PRELID2: variants seen among roughly 807,000 people sequenced by gnomAD.
PRELID2 encodes PRELI domain-containing protein 2.
Under a neutral mutation model 28.4 loss-of-function variants are expected in PRELID2, and 25 were observed. The observed-to-expected ratio is 0.88, with a 90% CI of 0.64 to 1.23. PRELID2 has a LOEUF of 1.23. PRELID2 is among the 50% of genes most tolerant of loss of function. The pLI is 0.00. For missense variants in PRELID2, 201 were observed against 214.4 expected, an observed-to-expected ratio of 0.94 and a Z score of 0.39; for synonymous variants, 76 against 71.6, an observed-to-expected ratio of 1.06 and a Z score of -0.31.
chr5:145,394,147 C>T, the PRELID2 span, among the ~76,000 whole-genome samples: 1 of 152,094 alleles, frequency 6.6e-6, no homozygotes, highest in African/African-American at 2.4e-5. Flanking sequence ...TTTATAGCGG[C>T]ACTATTCACA....
At chr5:145,283,308 C>T in the PRELID2 span, among the ~76,000 whole-genome samples, 4 of 152,134 alleles carry the variant, frequency 2.6e-5, no homozygotes, top group Non-Finnish European at 5.9e-5. Flanking sequence ...TGTAAAATTA[C>T]GCAACTGGGG....
chr5:145,590,982 G>T (rs921835385), intron 1 of PRELID2, among the ~76,000 whole-genome samples: 39 of 151,280 alleles, frequency 2.6e-4, no homozygotes, highest in African/African-American at 9.5e-4. Flanking sequence ...AGATTAACTT[G>T]CTTCCTTACC....
chr5:145,465,647 A>G, the PRELID2 span, among the ~76,000 whole-genome samples: 18 of 152,322 alleles, frequency 1.2e-4, no homozygotes, highest in East Asian at 3.5e-3. Context: ...TGACTACCTC[A>G]TAGACTTGTT....
At position 145,740,120 on chromosome 5, in the gene PRELID2, T is replaced by G. The variant is rs12657351; in HGVS notation, n.70+24811A>C. On this transcript the variant is annotated intron_variant and non_coding_transcript_variant, in intron 1 of 2. Transcript: ENST00000510259. ...ATGAAATATAATCACACAGGCAGGT[T>G]GAAAGTAAAAAGATTTAAGTATATA... is the stretch of plus-strand genomic sequence containing the variant. 9.8e-4 allele frequency among the ~76,000 whole-genome samples: 147 copies of G among 149,662 alleles called. 3 individuals carry two copies. In the East Asian group the frequency reaches 0.025, roughly 26 times the overall value.
the PRELID2 span, among the ~76,000 whole-genome samples, chr5:145,308,609 G>T: frequency 6.6e-6 from 1 of 151,548 alleles, no homozygotes; most frequent in African/African-American, 2.4e-5. Context: ...TTTTAATTTA[G>T]AGGTTAGAGT....
At chr5:145,347,415 A>G in the PRELID2 span, among the ~76,000 whole-genome samples, 2 of 152,184 alleles carry the variant, frequency 1.3e-5, no homozygotes, top group African/African-American at 4.8e-5. Context: ...TGGAGCATTT[A>G]TATGGCCTTT....
intron 4 of PRELID2, among the ~76,000 whole-genome samples, chr5:145,802,333 A>G (rs1021491479): frequency 6.6e-6 from 1 of 152,202 alleles, no homozygotes; most frequent in Non-Finnish European, 1.5e-5. Context: ...GCCATAGCAC[A>G]TGCACAGTTT....
chr5:145,809,728 G>A (rs143174761), intron 4 of PRELID2, among the ~76,000 whole-genome samples: 19 of 152,330 alleles, frequency 1.2e-4, no homozygotes, highest in Admixed American at 3.9e-4. Flanking sequence ...GGAAAAACCC[G>A]GTTTGACAAC....
At chr5:145,259,573 G>A in the PRELID2 span, among the ~76,000 whole-genome samples, 2 of 152,150 alleles carry the variant, frequency 1.3e-5, no homozygotes, top group African/African-American at 2.4e-5. Context: ...GTCAGTTTTC[G>A]ACTTGCATGG....
intron 1 of PRELID2, among the ~76,000 whole-genome samples, chr5:145,565,323 G>T (rs570385839): frequency 1.6e-3 from 251 of 152,322 alleles, no homozygotes; most frequent in African/African-American, 5.7e-3. Flanking sequence ...CAGGTGATTT[G>T]CCCTGTTATT....
the PRELID2 span, among the ~76,000 whole-genome samples, chr5:145,271,003 T>C: frequency 6.6e-6 from 1 of 152,054 alleles, no homozygotes. Context: ...CTTCTTCACA[T>C]GGCAGCAGGA....
At chr5:145,528,341 T>A (rs1395088317) in intron 1 of PRELID2, among the ~76,000 whole-genome samples, 1 of 152,148 alleles carries the variant, frequency 6.6e-6, no homozygotes, top group Admixed American at 6.6e-5. Flanking sequence ...AGGCTCACTA[T>A]AGATACTCAG....
the PRELID2 span, among the ~76,000 whole-genome samples, chr5:145,237,895 C>T: frequency 3.9e-5 from 6 of 152,116 alleles, no homozygotes; most frequent in Non-Finnish European, 8.8e-5. Context: ...ACCAGTCTTA[C>T]ACAAAATACA....
At chr5:145,655,652 G>C (rs1581031677) in intron 1 of PRELID2, among the ~76,000 whole-genome samples, 1 of 152,162 alleles carries the variant, frequency 6.6e-6, no homozygotes, top group Admixed American at 6.5e-5. Flanking sequence ...AATGGGGAAA[G>C]TATTCCCTAT....
At chr5:145,674,019 G>A (rs900463221) in intron 1 of PRELID2, among the ~76,000 whole-genome samples, 1 of 152,000 alleles carries the variant, frequency 6.6e-6, no homozygotes, top group Non-Finnish European at 1.5e-5. Flanking sequence ...ATGTCATCAG[G>A]TTTTTATTTT....
intron 1 of PRELID2, among the ~76,000 whole-genome samples, chr5:145,743,411 CAAAA>C (rs59424142): frequency 6.1e-4 from 62 of 101,754 alleles, no homozygotes; most frequent in Non-Finnish European, 9.3e-4. Context: ...AACTCTGCGG[CAAAA>C]AAAAAAAAAA....
chr5:145,625,938 C>A (rs759628847), intron 1 of PRELID2, among the ~76,000 whole-genome samples: 1 of 152,066 alleles, frequency 6.6e-6, no homozygotes, highest in Non-Finnish European at 1.5e-5. Context: ...GGAAAGAATA[C>A]CCTATTCAAT....
intron 1 of PRELID2, among the ~76,000 whole-genome samples, chr5:145,565,768 G>A (rs766728849): frequency 2.0e-5 from 3 of 152,190 alleles, no homozygotes; most frequent in Non-Finnish European, 2.9e-5. Flanking sequence ...TTCCTTTGCA[G>A]GCTCCTCATG....
the PRELID2 span, among the ~76,000 whole-genome samples, chr5:145,412,037 CA>C: frequency 3.3e-5 from 5 of 152,122 alleles, no homozygotes; most frequent in Non-Finnish European, 5.9e-5. Context: ...GGGCCCAGGC[CA>C]GAAAACCATT....
Sources: gnomAD v4.1 joint callset for allele counts (sites outside exome capture counted in the v4.1 genomes callset) on GRCh38, gnomAD v4.1.1 for gene constraint, MANE v1.5 for transcripts, NCBI Gene and HGNC (gene_info 2026-07-23, HGNC 2026-07-21) for gene names.